Variants in ROR1 observed in about 807,000 individuals in gnomAD.
ROR1 encodes the protein ROR family WNT receptor 1, also known as inactive tyrosine-protein kinase transmembrane receptor ROR1.
In ROR1, 19 loss-of-function variants were observed where a neutral mutation model predicts 78.8. The observed-to-expected ratio is 0.24, with a 90% CI of 0.17 to 0.35. ROR1 has a LOEUF of 0.35. Ranked by LOEUF, ROR1 falls within the 10% of genes least tolerant of loss-of-function variation. The probability of loss-of-function intolerance (pLI) is 1.00; values close to 1 mark genes in which losing one functional copy is unlikely to be tolerated. For missense variants in ROR1, 917 were observed against 1,177.8 expected, an observed-to-expected ratio of 0.78 and a Z score of 3.24; for synonymous variants, 386 against 433.6, an observed-to-expected ratio of 0.89 and a Z score of 1.36.
intron 1 of ROR1, among the ~76,000 whole-genome samples, chr1:63,778,145 A>C (rs1028308110): frequency 6.6e-6 from 1 of 152,128 alleles, no homozygotes; most frequent in African/African-American, 2.4e-5. Flanking sequence ...GCCTTTCAAG[A>C]GTGTTATGAG....
intron 4 of ROR1, among the ~76,000 whole-genome samples, chr1:64,126,992 T>G (rs1648733550): frequency 6.6e-6 from 1 of 152,180 alleles, no homozygotes; most frequent in South Asian, 2.1e-4. Flanking sequence ...TTCTGCTGAG[T>G]CTAGGCAGTG....
At chr1:63,845,697 T>C (rs1370104207) in intron 1 of ROR1, among the ~76,000 whole-genome samples, 1 of 152,186 alleles carries the variant, frequency 6.6e-6, no homozygotes. Flanking sequence ...ATTGACCCAT[T>C]ATTGTGTTCT....
intron 1 of ROR1, among the ~76,000 whole-genome samples, chr1:63,845,105 G>T (rs1329433427): frequency 6.6e-6 from 1 of 152,122 alleles, no homozygotes; most frequent in Non-Finnish European, 1.5e-5. Context: ...CTCTTTGGGA[G>T]TTTATGTTTT....
chr1:64,018,471 T>A (rs1207050323), intron 2 of ROR1, among the ~76,000 whole-genome samples: 1 of 152,172 alleles, frequency 6.6e-6, no homozygotes, highest in Non-Finnish European at 1.5e-5. Flanking sequence ...CTCCACCTTC[T>A]CCCACTGATG....
At chr1:64,108,736 G>C (rs1025583717) in intron 4 of ROR1, among the ~76,000 whole-genome samples, 1 of 152,150 alleles carries the variant, frequency 6.6e-6, no homozygotes, top group African/African-American at 2.4e-5. Flanking sequence ...AAATGGAAAA[G>C]TCAGAGAGAT....
intron 2 of ROR1, among the ~76,000 whole-genome samples, chr1:64,010,994 A>C (rs1646470617): frequency 6.6e-6 from 1 of 152,210 alleles, no homozygotes; most frequent in Admixed American, 6.5e-5. Flanking sequence ...AAACTAATAC[A>C]TCTACTAATA....
intron 4 of ROR1, among the ~76,000 whole-genome samples, chr1:64,091,471 G>T (rs1647196622): frequency 6.6e-6 from 1 of 152,142 alleles, no homozygotes; most frequent in Non-Finnish European, 1.5e-5. Context: ...GGTTGCTGAT[G>T]TAGAGGAAAA....
intron 1 of ROR1, among the ~76,000 whole-genome samples, chr1:63,966,069 C>T (rs971318902): frequency 6.6e-6 from 1 of 152,212 alleles, no homozygotes; most frequent in African/African-American, 2.4e-5. Context: ...TAGTGCCTGA[C>T]ACAGGGCAAA....
intron 4 of ROR1, among the ~76,000 whole-genome samples, chr1:64,120,610 C>T (rs761785009): frequency 3.3e-5 from 5 of 152,124 alleles, no homozygotes; most frequent in African/African-American, 4.8e-5. Context: ...AAAGCAGGCA[C>T]GTGTGGCTAG....
intron 7 of ROR1, among the ~76,000 whole-genome samples, chr1:64,158,158 A>G (rs930417979): frequency 1.3e-5 from 2 of 152,212 alleles, no homozygotes; most frequent in African/African-American, 4.8e-5. Flanking sequence ...TACACATATT[A>G]TATTCTTTTC....
chr1:64,082,986 G>T (rs6668064), intron 4 of ROR1, among the ~76,000 whole-genome samples: 22,603 of 152,184 alleles, frequency 0.15, 1,773 homozygotes, highest in Middle Eastern at 0.2. Context: ...ATATCCAAAA[G>T]AAATTATTGT....
intron 1 of ROR1, among the ~76,000 whole-genome samples, chr1:63,819,784 G>A (rs937596048): frequency 1.3e-5 from 2 of 152,226 alleles, no homozygotes; most frequent in African/African-American, 4.8e-5. Context: ...ATCATAAAGT[G>A]GGATTATTAA....
chr1:64,176,296 A>G (rs534430474), intron 8 of ROR1, among the ~76,000 whole-genome samples: 12 of 152,346 alleles, frequency 7.9e-5, no homozygotes, highest in African/African-American at 2.4e-4. Context: ...AAATACATGC[A>G]TAAAAAGAAC....
intron 1 of ROR1, among the ~76,000 whole-genome samples, chr1:63,960,179 A>G (rs1340448858): frequency 6.6e-6 from 1 of 152,214 alleles, no homozygotes; most frequent in African/African-American, 2.4e-5. Context: ...GTTGTTACTC[A>G]TTGTTGAATG....
intron 2 of ROR1, among the ~76,000 whole-genome samples, chr1:64,009,752 T>C (rs1051771513): frequency 3.3e-5 from 5 of 152,166 alleles, no homozygotes; most frequent in Non-Finnish European, 7.4e-5. Context: ...CCTTTCACGA[T>C]GAGCATTTGA....
chr1:63,787,137 C>G (rs998174222), intron 1 of ROR1, among the ~76,000 whole-genome samples: 3 of 152,148 alleles, frequency 2.0e-5, no homozygotes, highest in African/African-American at 7.2e-5. Flanking sequence ...AGCTCAGACT[C>G]TTTCCTCTTT....
At chr1:63,969,390 C>A (rs1646100871) in intron 1 of ROR1, among the ~76,000 whole-genome samples, 2 of 152,142 alleles carry the variant, frequency 1.3e-5, no homozygotes, top group African/African-American at 4.8e-5. Context: ...GCTCTCCTGT[C>A]CTTGCAGATA....
intron 1 of ROR1, among the ~76,000 whole-genome samples, chr1:63,779,462 A>G (rs180864228): frequency 1.3e-4 from 19 of 151,980 alleles, no homozygotes; most frequent in Admixed American, 5.2e-4. Flanking sequence ...GTGACGGGAG[A>G]GACTGTTCGG....
chr1:64,122,653 C>A (rs891460726), intron 4 of ROR1, among the ~76,000 whole-genome samples: 2 of 152,154 alleles, frequency 1.3e-5, no homozygotes, highest in Admixed American at 1.3e-4. Flanking sequence ...AGATGAGGAA[C>A]TGGAGAAGGT....
Sources: gnomAD v4.1 joint callset for allele counts (sites outside exome capture counted in the v4.1 genomes callset) on GRCh38, gnomAD v4.1.1 for gene constraint, MANE v1.5 for transcripts, NCBI Gene and HGNC (gene_info 2026-07-23, HGNC 2026-07-21) for gene names.